The following SMYD3 variants were observed in gnomAD, a reference collection of about 807,000 sequenced individuals.
SMYD3 encodes the protein SET and MYND domain containing 3.
Under a neutral mutation model 57.7 loss-of-function variants are expected in SMYD3, and 36 were observed. The ratio of observed to expected loss-of-function variants is 0.62; its 90% CI spans 0.48 to 0.82. The LOEUF is 0.82. Among genes scored for constraint, SMYD3 ranks in the 40% least tolerant of loss-of-function variants. SMYD3 has a pLI of 0.00. For synonymous variants in SMYD3, 211 were observed against 195.0 expected (o/e 1.08, Z -0.68); for missense variants, 515 against 538.8 (o/e 0.96, Z 0.44).
intron 5 of SMYD3, among the ~76,000 whole-genome samples, chr1:245,933,666 T>C (rs1572728299): frequency 6.6e-6 from 1 of 152,176 alleles, no homozygotes; most frequent in Non-Finnish European, 1.5e-5. Flanking sequence ...CCCGGTAGAT[T>C]AGACACAAAT....
chr1:245,857,735 C>A (rs2051324153), intron 10 of SMYD3, among the ~76,000 whole-genome samples: 1 of 152,150 alleles, frequency 6.6e-6, no homozygotes, highest in African/African-American at 2.4e-5. Context: ...GTGCCCTTCC[C>A]CTTGGGCTGC....
chr1:245,913,050 GACACATGC>G (rs2055117230), intron 8 of SMYD3, among the ~76,000 whole-genome samples: 1 of 152,192 alleles, frequency 6.6e-6, no homozygotes, highest in African/African-American at 2.4e-5. Flanking sequence ...CTGCTATAAA[GACACATGC>G]ACACGTATGT....
chr1:245,869,414 G>A (rs1358208186), intron 8 of SMYD3, among the ~76,000 whole-genome samples: 2 of 152,138 alleles, frequency 1.3e-5, no homozygotes, highest in African/African-American at 2.4e-5. Context: ...TTCCTCACCT[G>A]CAGAAGGAGC....
intron 5 of SMYD3, among the ~76,000 whole-genome samples, chr1:246,314,293 A>G (rs971307453): frequency 7.9e-5 from 12 of 152,208 alleles, no homozygotes; most frequent in African/African-American, 2.9e-4. Context: ...AATGGTCCAT[A>G]ATTAGGGCTC....
intron 1 of SMYD3, among the ~76,000 whole-genome samples, chr1:246,502,285 T>G (rs191531925): frequency 2.0e-5 from 3 of 151,974 alleles, no homozygotes; most frequent in Non-Finnish European, 2.9e-5. Context: ...ACTACAGGCA[T>G]GCACCCAGGT....
chr1:245,989,944 A>G (rs2058783240), intron 5 of SMYD3, among the ~76,000 whole-genome samples: 1 of 152,202 alleles, frequency 6.6e-6, no homozygotes, highest in Non-Finnish European at 1.5e-5. Flanking sequence ...AATACAAAAG[A>G]TCTATTCTGT....
intron 5 of SMYD3, among the ~76,000 whole-genome samples, chr1:246,276,191 T>TC (rs747024530): frequency 1.7e-5 from 2 of 119,586 alleles, no homozygotes; most frequent in Non-Finnish European, 1.8e-5. Flanking sequence ...CTCTGTTTTT[T>TC]ACTAACCGTA....
chr1:246,236,778 C>G (rs1049559028), intron 5 of SMYD3, among the ~76,000 whole-genome samples: 2 of 152,154 alleles, frequency 1.3e-5, no homozygotes, highest in Non-Finnish European at 2.9e-5. Flanking sequence ...TCCCAAAGTG[C>G]TGGGACTACA....
intron 8 of SMYD3, among the ~76,000 whole-genome samples, chr1:245,878,405 A>G (rs1454040192): frequency 6.6e-6 from 1 of 152,222 alleles, no homozygotes; most frequent in East Asian, 1.9e-4. Flanking sequence ...GGTAGGGTCA[A>G]GAGCACAGGT....
chr1:246,384,558 G>A (rs11589056), intron 1 of SMYD3, among the ~76,000 whole-genome samples: 87,159 of 151,500 alleles, frequency 0.58, 25,188 homozygotes, highest in Non-Finnish European at 0.61. Flanking sequence ...ACCACGCCCG[G>A]CTAATTTTTT....
intron 5 of SMYD3, among the ~76,000 whole-genome samples, chr1:246,236,137 T>C (rs183328351): frequency 1.7e-4 from 26 of 152,282 alleles, no homozygotes; most frequent in Admixed American, 1.5e-3. Context: ...GAATCCCAAC[T>C]TTTAAAACTA....
At chr1:246,250,620 A>G (rs1183971991) in intron 5 of SMYD3, among the ~76,000 whole-genome samples, 1 of 152,224 alleles carries the variant, frequency 6.6e-6, no homozygotes, top group African/African-American at 2.4e-5. Context: ...GTCTGAAATT[A>G]AATTGCAATT....
intron 5 of SMYD3, among the ~76,000 whole-genome samples, chr1:246,019,001 T>G (rs919318255): frequency 2.0e-5 from 3 of 152,202 alleles, no homozygotes; most frequent in African/African-American, 4.8e-5. Context: ...ATTTGGTTCT[T>G]GACTTATTTT....
chr1:246,479,828 G>A (rs61839820), intron 1 of SMYD3, among the ~76,000 whole-genome samples: 1 of 152,068 alleles, frequency 6.6e-6, no homozygotes, highest in Non-Finnish European at 1.5e-5. Flanking sequence ...ATTTTTGTCT[G>A]TTGTGGTTCT....
intron 5 of SMYD3, among the ~76,000 whole-genome samples, chr1:246,206,323 G>T (rs1449916862): frequency 1.3e-5 from 2 of 152,040 alleles, no homozygotes; most frequent in African/African-American, 4.8e-5. Flanking sequence ...AAACCAACAT[G>T]AACACTTCTG....
intron 11 of SMYD3, among the ~76,000 whole-genome samples, chr1:245,758,117 T>C (rs1186269294): frequency 6.6e-6 from 1 of 152,338 alleles, no homozygotes; most frequent in Admixed American, 6.5e-5. Flanking sequence ...TATTCAGTTA[T>C]TCTCAGATAA....
rs1191685136 is a variant in SMYD3, at chr1:245,764,122, G to A, written c.1104C>T (p.Val368=). ...YRIFFPGSHP[V]RGVQVMKVGK... Reference sequence around the variant, plus strand: ...CAACTTTCATCACTTGAACCCCTCTGACGGGATGGCTTCCTGGGAAAAAAA... The same window carrying A: ...CAACTTTCATCACTTGAACCCCTCTAACGGGATGGCTTCCTGGGAAAAAAA... The change falls in exon 11 of 12, where the codon GTC becomes GTT. Residue 368 remains valine (V), a synonymous_variant. Coordinates refer to ENST00000490107, the MANE Select transcript of SMYD3 (RefSeq NM_001167740.2). 2 of 1,613,896 alleles carry A rather than the reference G, an allele frequency of 1.2e-6. No homozygotes were observed. Among genetic ancestry groups the A allele is most frequent in the African/African-American group, 1.3e-5 (1 of 74,912 alleles).
intron 5 of SMYD3, among the ~76,000 whole-genome samples, chr1:246,009,079 A>G (rs1241773532): frequency 6.6e-6 from 1 of 152,162 alleles, no homozygotes; most frequent in Non-Finnish European, 1.5e-5. Context: ...CATAGTCAAC[A>G]CTCAGTAAAT....
chr1:246,061,115 C>T (rs547081685), intron 5 of SMYD3, among the ~76,000 whole-genome samples: 88 of 152,134 alleles, frequency 5.8e-4, no homozygotes, highest in African/African-American at 1.9e-3. Flanking sequence ...CCCAGCTACT[C>T]GGGAGGCTGA....
Sources: gnomAD v4.1 joint callset for allele counts (sites outside exome capture counted in the v4.1 genomes callset) on GRCh38, gnomAD v4.1.1 for gene constraint, MANE v1.5 for transcripts, NCBI Gene and HGNC (gene_info 2026-07-23, HGNC 2026-07-21) for gene names.